Variants in ASPH observed in about 807,000 individuals in gnomAD.
The protein encoded by ASPH is aspartate beta-hydroxylase.
Under a neutral mutation model 118.4 loss-of-function variants are expected in ASPH, and 100 were observed. The observed-to-expected ratio is 0.84, with a 90% CI of 0.72 to 1.00. The LOEUF is 1.00. Among genes scored for constraint, ASPH ranks in the 50% least tolerant of loss-of-function variants. The probability of loss-of-function intolerance (pLI) is 0.00; values close to 1 mark genes in which losing one functional copy is unlikely to be tolerated. For synonymous variants in ASPH, 315 were observed against 325.6 expected (o/e 0.97, Z 0.35); for missense variants, 920 against 919.5 (o/e 1.00, Z -0.01).
At chr8:61,689,267 C>T (rs2151763576) in intron 1 of ASPH, among the ~76,000 whole-genome samples, 1 of 152,118 alleles carries the variant, frequency 6.6e-6, no homozygotes, top group Admixed American at 6.5e-5. Context: ...CTTGCTTGAA[C>T]CAGGTAAGTC....
At chr8:61,638,036 A>G (rs745954816) in intron 11 of ASPH, 33 bp from the exon 12 acceptor site, 2 of 1,582,146 alleles carry the variant, frequency 1.3e-6, no homozygotes, top group South Asian at 1.1e-5. Context: ...AATCCATTAC[A>G]TGTTGCTGAC....
intron 13 of ASPH, among the ~76,000 whole-genome samples, chr8:61,632,330 T>C (rs1453282098): frequency 2.0e-5 from 3 of 152,236 alleles, no homozygotes; most frequent in Non-Finnish European, 4.4e-5. Context: ...TTTTAAAATA[T>C]GAACTATAAC....
At chr8:61,510,764 T>C (rs964296701) in intron 24 of ASPH, among the ~76,000 whole-genome samples, 2 of 152,188 alleles carry the variant, frequency 1.3e-5, no homozygotes, top group African/African-American at 2.4e-5. Context: ...AATGTTACTA[T>C]TCAACAACAA....
chr8:61,692,860 C>T (rs568196731), intron 1 of ASPH, among the ~76,000 whole-genome samples: 2 of 151,998 alleles, frequency 1.3e-5, no homozygotes, highest in East Asian at 1.9e-4. Context: ...ACTATACCAG[C>T]GGTCCCTAAT....
At position 61,547,998 on chromosome 8, in the gene ASPH, T is replaced by G; in HGVS notation, c.1764+73A>C. 2.7e-6 allele frequency: 4 copies of G among 1,484,140 alleles called. No homozygotes were observed. In the South Asian group the frequency reaches 5.6e-5, roughly 21 times the overall value. The allele number at this position is 1,484,140 out of a possible 1,614,324, so 91.9% of individuals were successfully genotyped here. ...ATCTCTTCCCTGACATTCCTTTTTA[T>G]GATAAACATTTTCTGATTTTGAGGA... On this transcript the variant is annotated intron_variant, in intron 21 of 24. Transcript: ENST00000379454.
chr8:61,513,769 C>T (rs1469722136), intron 24 of ASPH, among the ~76,000 whole-genome samples: 2 of 152,186 alleles, frequency 1.3e-5, no homozygotes, highest in African/African-American at 4.8e-5. Flanking sequence ...TTAATATTCT[C>T]ATTCAAGACC....
At chr8:61,605,773 T>G (rs1845383724) in intron 14 of ASPH, among the ~76,000 whole-genome samples, 1 of 152,226 alleles carries the variant, frequency 6.6e-6, no homozygotes, top group Non-Finnish European at 1.5e-5. Context: ...AAACTCAGAC[T>G]GACCAAGAAT....
intron 24 of ASPH, among the ~76,000 whole-genome samples, chr8:61,505,841 G>A (rs545884190): frequency 9.2e-5 from 14 of 152,296 alleles, no homozygotes; most frequent in Admixed American, 7.9e-4. Context: ...AAACCAAGGC[G>A]GGGAAATACG....
intron 3 of ASPH, chr8:61,680,743 G>A (rs1298228698): frequency 1.2e-5 from 4 of 322,526 alleles, no homozygotes; most frequent in Non-Finnish European, 2.2e-5. Context: ...CTTATCAAAA[G>A]ATATATGTGT....
intron 18 of ASPH, among the ~76,000 whole-genome samples, chr8:61,559,713 A>G (rs1829107252): frequency 6.6e-6 from 1 of 152,224 alleles, no homozygotes; most frequent in African/African-American, 2.4e-5. Context: ...ACCTTTTGTA[A>G]TGCACATGTA....
intron 16 of ASPH, among the ~76,000 whole-genome samples, chr8:61,568,988 G>C (rs1425142367): frequency 6.6e-6 from 1 of 152,100 alleles, no homozygotes; most frequent in Non-Finnish European, 1.5e-5. Flanking sequence ...CAGTAGAGAG[G>C]GAAAATCTGA....
intron 3 of ASPH, chr8:61,665,223 C>T: frequency 6.5e-7 from 1 of 1,543,168 alleles, no homozygotes; most frequent in Non-Finnish European, 8.7e-7. Flanking sequence ...GGAACATGAC[C>T]ATGTTCTGGG....
chr8:61,655,448 T>G (rs1396605850), intron 3 of ASPH, among the ~76,000 whole-genome samples: 1 of 152,158 alleles, frequency 6.6e-6, no homozygotes, highest in Non-Finnish European at 1.5e-5. Flanking sequence ...AATGAAAAAT[T>G]ACAGGGTCAT....
intron 13 of ASPH, chr8:61,632,607 A>T: frequency 2.1e-6 from 1 of 471,262 alleles, no homozygotes; most frequent in Non-Finnish European, 4.2e-6. Context: ...TTCTCCATGG[A>T]CTGCTTTTCT....
chr8:61,662,650 T>C (rs1817505861), intron 3 of ASPH, among the ~76,000 whole-genome samples: 1 of 152,160 alleles, frequency 6.6e-6, no homozygotes, highest in Non-Finnish European at 1.5e-5. Flanking sequence ...TAAAAGTTAG[T>C]TGAAACATTT....
At chr8:61,589,291 G>C (rs1400943832) in intron 14 of ASPH, among the ~76,000 whole-genome samples, 4 of 152,158 alleles carry the variant, frequency 2.6e-5, no homozygotes, top group Non-Finnish European at 5.9e-5. Flanking sequence ...TTACAAGGCA[G>C]AGATAAGCTC....
intron 16 of ASPH, among the ~76,000 whole-genome samples, chr8:61,574,972 T>C (rs1834660604): frequency 6.6e-6 from 1 of 152,198 alleles, no homozygotes; most frequent in African/African-American, 2.4e-5. Context: ...CAGCATGCCC[T>C]TCTTTCTTTC....
rs1046628027 is a variant in ASPH, at chr8:61,578,939, G to A, written c.1063-2081C>T. 37 of 1,611,284 alleles carry A rather than the reference G, an allele frequency of 2.3e-5. No individual in the cohort carries two copies. In the Admixed American group the frequency reaches 2.3e-4, roughly 10 times the overall value. On this transcript the variant is annotated intron_variant, in intron 15 of 24. Transcript: ENST00000379454. ...TCCGGGAGCTGCAGTCCCAGATCTC[G>A]GACACATCTGTGGTGCTGTCCATGG...
chr8:61,623,261 A>G (rs1851603152), intron 13 of ASPH, among the ~76,000 whole-genome samples: 1 of 152,230 alleles, frequency 6.6e-6, no homozygotes, highest in South Asian at 2.1e-4. Flanking sequence ...CTCAGGTGAG[A>G]TATCTCAAGG....
Sources: gnomAD v4.1 joint callset for allele counts (sites outside exome capture counted in the v4.1 genomes callset) on GRCh38, gnomAD v4.1.1 for gene constraint, MANE v1.5 for transcripts, NCBI Gene and HGNC (gene_info 2026-07-23, HGNC 2026-07-21) for gene names.